The following MTMR8 variants were observed in gnomAD, a reference collection of about 807,000 sequenced individuals.
The protein encoded by MTMR8 is phosphatidylinositol-3,5-bisphosphate 3-phosphatase MTMR8.
A neutral mutation model predicts 39.3 loss-of-function variants in MTMR8; 65 were observed. That is an observed-to-expected ratio of 1.65 (90% CI 1.35 to 2.03). MTMR8 has a LOEUF of 2.03. Ranked by LOEUF, MTMR8 falls within the 30% of genes most tolerant of loss-of-function variation. The pLI is 0.00. For synonymous variants in MTMR8, 245 were observed against 185.2 expected (o/e 1.32, Z -2.62); for missense variants, 777 against 538.9 (o/e 1.44, Z -4.37).
At chrX:64,271,689 C>T (rs1014974593) in intron 12 of MTMR8, among the ~76,000 whole-genome samples, 1 of 112,654 alleles carries the variant, frequency 8.9e-6, no homozygotes, top group Non-Finnish European at 1.9e-5. Context: ...CACCTAACAT[C>T]CCAACTTCTC....
At chrX:64,380,062 C>T (rs1421925677) in intron 1 of MTMR8, among the ~76,000 whole-genome samples, 1 of 111,897 alleles carries the variant, frequency 8.9e-6, no homozygotes, top group Admixed American at 9.5e-5. Context: ...TACAAAAAAC[C>T]TACAGATAAC....
chrX:64,319,107 A>G (rs1031825550), intron 12 of MTMR8, among the ~76,000 whole-genome samples: 30 of 112,570 alleles, frequency 2.7e-4, no homozygotes, highest in African/African-American at 9.7e-4. Context: ...TAAAAAGAAT[A>G]ATTGGTGGCA....
Position 64,293,012 on chromosome X carries a change from T to C in MTMR8, c.1482-21939A>G, listed in dbSNP as rs150562038. Among the ~76,000 whole-genome samples, 1,074 of 110,977 alleles carry C rather than the reference T, an allele frequency of 9.7e-3. 16 individuals carry two copies. Among genetic ancestry groups the C allele is most frequent in the African/African-American group, 0.032 (964 of 30,452 alleles). On this transcript the variant is annotated intron_variant, in intron 12 of 13. Transcript: ENST00000374852. ...GCCTTATAAAGGCCTGGGAAGACTG[T>C]CAATGGAAAATGTTAACCAAGGTCA...
chrX:64,371,786 G>A (rs957504662), intron 1 of MTMR8, among the ~76,000 whole-genome samples: 1 of 110,534 alleles, frequency 9.0e-6, no homozygotes, highest in African/African-American at 3.3e-5. Flanking sequence ...AATAATAGGG[G>A]AAAGGATTAG....
intron 4 of MTMR8, among the ~76,000 whole-genome samples, chrX:64,351,352 A>G: frequency 9.0e-6 from 1 of 111,528 alleles, no homozygotes; most frequent in Non-Finnish European, 1.9e-5. Flanking sequence ...AGTCAATGCA[A>G]TAACAGTCTT....
chrX:64,385,764 C>T (rs1205632317), intron 1 of MTMR8, among the ~76,000 whole-genome samples: 2 of 111,160 alleles, frequency 1.8e-5, no homozygotes, highest in African/African-American at 6.6e-5. Flanking sequence ...AAGGATGGTG[C>T]TAAACCATTC....
At chrX:64,322,119 C>T (rs1050755907) in intron 12 of MTMR8, among the ~76,000 whole-genome samples, 4 of 108,977 alleles carry the variant, frequency 3.7e-5, no homozygotes, top group African/African-American at 1.3e-4. Context: ...CCATGCCTCA[C>T]TGCAACCTTG....
intron 1 of MTMR8, among the ~76,000 whole-genome samples, chrX:64,387,032 C>T (rs140037346): frequency 3.1e-3 from 345 of 111,314 alleles, no homozygotes; most frequent in Middle Eastern, 4.6e-3. Context: ...CCAGCCCAGG[C>T]GACAGAGCAA....
intron 12 of MTMR8, among the ~76,000 whole-genome samples, chrX:64,292,412 T>C (rs1921430945): frequency 9.0e-6 from 1 of 111,032 alleles, no homozygotes; most frequent in African/African-American, 3.3e-5. Context: ...ATAAAGTAGG[T>C]GCATGTTGGA....
chrX:64,301,210 A>T (rs2147200797), intron 12 of MTMR8, among the ~76,000 whole-genome samples: 1 of 109,666 alleles, frequency 9.1e-6, no homozygotes, highest in African/African-American at 3.3e-5. Flanking sequence ...ACTTTCAGGT[A>T]CACCAATCAG....
intron 10 of MTMR8, among the ~76,000 whole-genome samples, chrX:64,333,181 T>C (rs1922986413): frequency 8.9e-6 from 1 of 111,946 alleles, no homozygotes; most frequent in Non-Finnish European, 1.9e-5. Flanking sequence ...ACCATTCAAA[T>C]TGAGTCTCCA....
chrX:64,323,449 T>A (rs1410844337), intron 12 of MTMR8, among the ~76,000 whole-genome samples: 2 of 111,826 alleles, frequency 1.8e-5, no homozygotes, highest in Non-Finnish European at 3.8e-5. Context: ...GGGAATAGAC[T>A]GCAATAAAAT....
intron 1 of MTMR8, among the ~76,000 whole-genome samples, chrX:64,359,732 G>A (rs1013955441): frequency 2.7e-5 from 3 of 110,581 alleles, no homozygotes; most frequent in Non-Finnish European, 5.7e-5. Flanking sequence ...AGGAAAACCC[G>A]TATTCTAGAA....
chrX:64,303,688 C>T (rs1921981232), intron 12 of MTMR8, among the ~76,000 whole-genome samples: 1 of 112,350 alleles, frequency 8.9e-6, no homozygotes, highest in African/African-American at 3.2e-5. Context: ...ACAAAAACTA[C>T]TTTATCAGTC....
intron 10 of MTMR8, among the ~76,000 whole-genome samples, chrX:64,332,167 G>A (rs1922960766): frequency 8.9e-6 from 1 of 111,916 alleles, no homozygotes; most frequent in African/African-American, 3.3e-5. Context: ...GCTACATTTA[G>A]CTCTATGTGA....
chrX:64,325,541 C>T (rs758319356), intron 12 of MTMR8, among the ~76,000 whole-genome samples: 2 of 111,662 alleles, frequency 1.8e-5, no homozygotes, highest in African/African-American at 3.3e-5. Context: ...GGACAAAAAC[C>T]GTATGATCAT....
Position 64,270,969 on chromosome X carries a change from G to A in MTMR8, c.1586C>T (p.Thr529Ile), listed in dbSNP as rs1931746787. ...CACCTTTTCTAGTTCATGCACATCT[G>A]TCTCCAGCATTGCTCTCTGTTTCTT... is the stretch of plus-strand genomic sequence containing the variant. ...EIKKQRAMLE[T>I]DVHELEKKLK... Residue 529 changes from threonine (T) to isoleucine (I), a missense_variant, in exon 13 of 14, where the codon ACA becomes ATA. By Grantham distance (89) the Thr-to-Ile change is moderately conservative (BLOSUM62 -1). Transcript: ENST00000374852. The A allele has an allele frequency of 8.3e-7, 1 of 1,208,149 alleles. No individual in the cohort carries two copies. The highest frequency in any genetic ancestry group is 1.8e-5 in the African/African-American group (1 of 56,942).
At position 64,283,218 on chromosome X, in the gene MTMR8, C is replaced by T. The variant is rs751786699; in HGVS notation, c.1482-12145G>A. Among the ~76,000 whole-genome samples, 12 of 111,818 alleles carry T rather than the reference C, an allele frequency of 1.1e-4. No individual in the cohort carries two copies. The South Asian group carries it at 2.3e-3, about 21-fold the overall frequency. ...AGAGGGTCCCACGCCCAAAAAGCCTCGCTCATTGCTAGCACAGCAGTCTGA... is the reference window on the plus strand; with the variant it reads ...AGAGGGTCCCACGCCCAAAAAGCCTTGCTCATTGCTAGCACAGCAGTCTGA... On this transcript the variant is annotated intron_variant, in intron 12 of 13. Coordinates refer to ENST00000374852, the MANE Select transcript of MTMR8 (RefSeq NM_017677.4).
chrX:64,395,442 A>C lies in MTMR8; in HGVS notation c.-79T>G. The C allele has an allele frequency of 9.2e-7, 1 of 1,090,340 alleles. No individual in the cohort carries two copies. The allele number at this position is 1,090,340 out of a possible 1,213,427, so 89.9% of individuals were successfully genotyped here. ...ACCGGTCTAGCCGCCTCCTGCCTCA[A>C]CCCGGGTTTCTACCCCCGCCCTCCC... On this transcript the variant is annotated 5_prime_UTR_variant, in exon 1 of 14. Transcript: ENST00000374852.
Sources: gnomAD v4.1 joint callset for allele counts (sites outside exome capture counted in the v4.1 genomes callset) on GRCh38, gnomAD v4.1.1 for gene constraint, MANE v1.5 for transcripts, NCBI Gene and HGNC (gene_info 2026-07-23, HGNC 2026-07-21) for gene names.